The following SLC35D1 variants were observed in gnomAD, a reference collection of about 807,000 sequenced individuals.
SLC35D1 encodes solute carrier family 35 member D1.
In SLC35D1, 31 loss-of-function variants were observed where a neutral mutation model predicts 46.7. The ratio of observed to expected loss-of-function variants is 0.66; its 90% CI spans 0.50 to 0.90. SLC35D1 has a LOEUF of 0.90. Among genes scored for constraint, SLC35D1 ranks in the 40% least tolerant of loss-of-function variants. The probability of loss-of-function intolerance (pLI) is 0.00; values close to 1 mark genes in which losing one functional copy is unlikely to be tolerated. For synonymous variants in SLC35D1, 195 were observed against 164.6 expected, an observed-to-expected ratio of 1.18 and a Z score of -1.41; for missense variants, 397 against 426.2, an observed-to-expected ratio of 0.93 and a Z score of 0.60.
At chr1:67,006,921 T>C (rs1667462282) in intron 11 of SLC35D1, among the ~76,000 whole-genome samples, 1 of 151,590 alleles carries the variant, frequency 6.6e-6, no homozygotes, top group Admixed American at 6.6e-5. Flanking sequence ...TTGGAGCATT[T>C]TGGATCACAG....
the SLC35D1 span, among the ~76,000 whole-genome samples, chr1:66,979,880 G>A: frequency 1.3e-5 from 2 of 151,518 alleles, no homozygotes; most frequent in East Asian, 1.9e-4. Context: ...TTCTACTGCC[G>A]CCGCCTCCCG....
At chr1:66,978,286 A>AAGG in the SLC35D1 span, among the ~76,000 whole-genome samples, 1 of 151,554 alleles carries the variant, frequency 6.6e-6, no homozygotes, top group African/African-American at 2.4e-5. Flanking sequence ...AAGTTCATTT[A>AAGG]TAGGTAGGTA....
chr1:67,053,744 C>T (rs1284729969), intron 1 of SLC35D1, 67 bp downstream of exon 1: 1 of 1,362,150 alleles, frequency 7.3e-7, no homozygotes, highest in Non-Finnish European at 9.5e-7. Context: ...TCCAGGGAGC[C>T]GGCGCCGCGC....
chr1:67,051,431 C>T (rs1039927396), intron 4 of SLC35D1, among the ~76,000 whole-genome samples: 1 of 152,044 alleles, frequency 6.6e-6, no homozygotes, highest in Non-Finnish European at 1.5e-5. Context: ...AGCCAGAAAC[C>T]GGGAGGTTAG....
At position 67,052,820 on chromosome 1, in the gene SLC35D1, G is replaced by A. The variant is rs369183359; in HGVS notation, c.275C>T (p.Ala92Val). The A allele has an allele frequency of 1.1e-5, 18 of 1,613,920 alleles. No homozygotes were observed. The African/African-American group carries it at 2.3e-4, about 20-fold the overall frequency. Residue 92 changes from alanine (A) to valine (V), a missense_variant, in exon 3 of 12, where the codon GCG becomes GTG. Transcript: ENST00000235345. ...ATVAVLWVGK[A>V]LRVVKFPDLD... ...GTCAGGAAACTTGACTACTCTGAGC[G>A]CCTTTCCCACCCAGAGAACTGCCAC...
intron 8 of SLC35D1, among the ~76,000 whole-genome samples, chr1:67,030,014 T>C (rs1354898660): frequency 6.6e-6 from 1 of 152,154 alleles, no homozygotes; most frequent in Admixed American, 6.5e-5. Flanking sequence ...ACTAAGTTTT[T>C]TTTTTTTTTC....
the SLC35D1 span, chr1:66,976,462 A>G: frequency 4.7e-6 from 3 of 638,686 alleles, no homozygotes; most frequent in Non-Finnish European, 7.5e-6. Context: ...TAGCTGCTAC[A>G]CTGTTGTATG....
chr1:67,053,991 T>A lies in SLC35D1; in HGVS notation c.23A>T (p.Gln8Leu). 6.2e-7 allele frequency: 1 copy of A among 1,612,062 alleles called. No homozygotes were observed. Among genetic ancestry groups the A allele is most frequent in the Non-Finnish European group, 8.5e-7 (1 of 1,179,000 alleles). The change falls in exon 1 of 12, where the codon CAG becomes CTG. Residue 8 changes from glutamine to leucine, a missense_variant. Physicochemically the swap from Gln to Leu is moderately radical, Grantham distance 113. Coordinates refer to ENST00000235345, the MANE Select transcript of SLC35D1 (RefSeq NM_015139.3). MAEVHRR[Q>L]HARVKGEAPA... The stretch of plus-strand genomic sequence containing the variant: ...GGCTTCTCCTTTAACCCGAGCATGC[T>A]GACGTCTATGAACTTCCGCCATGGC...
chr1:66,988,029 A>G, the SLC35D1 span: 2 of 152,310 alleles, frequency 1.3e-5, no homozygotes, highest in African/African-American at 4.8e-5. Flanking sequence ...TTTTGTCACA[A>G]TATTTTCTTT....
the SLC35D1 span, among the ~76,000 whole-genome samples, chr1:66,991,730 T>A: frequency 6.6e-6 from 1 of 152,116 alleles, no homozygotes; most frequent in Non-Finnish European, 1.5e-5. Flanking sequence ...GTTCCTCCAT[T>A]TCAACCAAGG....
chr1:67,029,659 T>A (rs1667979392), intron 8 of SLC35D1, among the ~76,000 whole-genome samples: 1 of 152,170 alleles, frequency 6.6e-6, no homozygotes, highest in Non-Finnish European at 1.5e-5. Context: ...TGAGGTGAAC[T>A]TTGCTTTTGT....
chr1:67,051,934 T>C (rs1363425949), intron 4 of SLC35D1, 78 bp downstream of exon 4: 1 of 989,476 alleles, frequency 1.0e-6, no homozygotes, highest in East Asian at 2.4e-5. Context: ...AATAACAATG[T>C]GTTAAATATT....
chr1:67,032,892 C>T (rs1475954582), intron 8 of SLC35D1, among the ~76,000 whole-genome samples: 3 of 152,276 alleles, frequency 2.0e-5, no homozygotes, highest in East Asian at 3.9e-4. Context: ...GCTTTCCTCA[C>T]CCCCCTACTA....
Position 67,003,747 on chromosome 1 carries a change from C to T in SLC35D1, c.*593G>A, listed in dbSNP as rs1339280092. 1.3e-5 allele frequency: 2 copies of T among 156,240 alleles called. No individual in the cohort carries two copies. The highest frequency in any genetic ancestry group is 4.8e-5 in the African/African-American group (2 of 41,458). The allele number at this position is 156,240 out of a possible 1,614,324, so 9.7% of individuals were successfully genotyped here. ...ATGTTTTCAAGGAATGCACTCTGCT[C>T]ATCCTATGAAAGTCAGGGAAGCCAA... is the stretch of plus-strand genomic sequence containing the variant. On this transcript the variant is annotated 3_prime_UTR_variant, in exon 12 of 12. Coordinates refer to ENST00000235345, the MANE Select transcript of SLC35D1 (RefSeq NM_015139.3).
chr1:66,993,134 C>T, the SLC35D1 span, among the ~76,000 whole-genome samples: 1 of 152,066 alleles, frequency 6.6e-6, no homozygotes, highest in Non-Finnish European at 1.5e-5. Flanking sequence ...ACTCTGAACT[C>T]TAGAAAAGAG....
At chr1:66,981,996 G>A in the SLC35D1 span, 1 of 1,500,754 alleles carries the variant, frequency 6.7e-7, no homozygotes, top group Non-Finnish European at 9.2e-7. Context: ...ATTCCGTTTG[G>A]GTTTCTATTA....
chr1:67,030,879 T>G (rs1668005081), intron 8 of SLC35D1, among the ~76,000 whole-genome samples: 1 of 152,230 alleles, frequency 6.6e-6, no homozygotes, highest in African/African-American at 2.4e-5. Context: ...TACCAAGTGC[T>G]TCTGCATGTA....
At chr1:67,039,563 A>G (rs1311836874) in intron 8 of SLC35D1, among the ~76,000 whole-genome samples, 1 of 150,124 alleles carries the variant, frequency 6.7e-6, no homozygotes, top group Non-Finnish European at 1.5e-5. Context: ...TATTTTACCC[A>G]AAAGGTAGGA....
the SLC35D1 span, chr1:66,985,186 T>A: frequency 5.2e-6 from 5 of 967,752 alleles, no homozygotes; most frequent in Non-Finnish European, 6.2e-6. Flanking sequence ...GATTTACTAA[T>A]TTTGGTAAAT....
Sources: gnomAD v4.1 joint callset for allele counts (sites outside exome capture counted in the v4.1 genomes callset) on GRCh38, gnomAD v4.1.1 for gene constraint, MANE v1.5 for transcripts, NCBI Gene and HGNC (gene_info 2026-07-23, HGNC 2026-07-21) for gene names.